Variants in MDFIC observed in about 807,000 individuals in gnomAD.
The protein encoded by MDFIC is myoD family inhibitor domain-containing protein.
A neutral mutation model predicts 23.2 loss-of-function variants in MDFIC; 17 were observed. That is an observed-to-expected ratio of 0.73 (90% CI 0.50 to 1.10). MDFIC has a LOEUF of 1.10. Among genes scored for constraint, MDFIC ranks in the 50% least tolerant of loss-of-function variants. The probability of loss-of-function intolerance (pLI) is 0.00; values close to 1 mark genes in which losing one functional copy is unlikely to be tolerated. For synonymous variants in MDFIC, 120 were observed against 115.2 expected (o/e 1.04, Z -0.27); for missense variants, 356 against 316.6 (o/e 1.12, Z -0.95).
Position 114,922,669 on chromosome 7 carries a change from G to T in MDFIC, c.-108+33G>T, listed in dbSNP as rs369968573. 279 of 1,323,940 alleles carry T rather than the reference G, an allele frequency of 2.1e-4. 1 individual carries two copies. The African/African-American group carries it at 3.8e-3, about 18-fold the overall frequency. The allele number at this position is 1,323,940 out of a possible 1,614,324, so 82.0% of individuals were successfully genotyped here. ...GTGGTCTCCGGGCGGGGAAGAGGAG[G>T]GGTTTGATCCCCATCCCCGGGGTTC... is the stretch of plus-strand genomic sequence containing the variant. On this transcript the variant is annotated intron_variant, in intron 1 of 4. Transcript: ENST00000393486.
chr7:114,971,244 T>A (rs555118569), intron 3 of MDFIC, among the ~76,000 whole-genome samples: 8 of 152,348 alleles, frequency 5.3e-5, no homozygotes, highest in African/African-American at 1.7e-4. Flanking sequence ...AGCTGCTCTT[T>A]AATATTAACT....
At chr7:114,971,458 G>A (rs1434546176) in intron 3 of MDFIC, among the ~76,000 whole-genome samples, 1 of 152,144 alleles carries the variant, frequency 6.6e-6, no homozygotes, top group Non-Finnish European at 1.5e-5. Context: ...CAAAAGCAGG[G>A]CTGGGTCTGG....
At chr7:114,965,986 T>G (rs1353406609) in intron 3 of MDFIC, among the ~76,000 whole-genome samples, 2 of 152,186 alleles carry the variant, frequency 1.3e-5, no homozygotes, top group Non-Finnish European at 2.9e-5. Flanking sequence ...TTTCCATATA[T>G]GTACAGTATG....
At chr7:114,969,104 G>T (rs186271088) in intron 3 of MDFIC, among the ~76,000 whole-genome samples, 1 of 152,256 alleles carries the variant, frequency 6.6e-6, no homozygotes, top group East Asian at 1.9e-4. Context: ...TAGTATTTTA[G>T]ATGCATTTCT....
chr7:115,016,027 A>C lies in MDFIC; in HGVS notation c.*92A>C, dbSNP rs1028612306. On this transcript the variant is annotated 3_prime_UTR_variant, in exon 5 of 5. Coordinates refer to ENST00000393486, the MANE Select transcript of MDFIC (RefSeq NM_001166345.3). Reference sequence around the variant, plus strand: ...GCACATTGTAAGATTCTCATGAAACAACATGGAATTTGCACTGTTAACTCA... The same window carrying C: ...GCACATTGTAAGATTCTCATGAAACCACATGGAATTTGCACTGTTAACTCA... 10 of 1,336,786 alleles carry C rather than the reference A, an allele frequency of 7.5e-6. No individual in the cohort carries two copies. In the African/African-American group the frequency reaches 1.5e-4, roughly 20 times the overall value. 82.8% of individuals were successfully genotyped at this position (1,336,786 alleles called of 1,614,324 possible).
rs141050062 is a variant in MDFIC at position 114,946,225 on chromosome 7, AGTGTGTGTGT to A, written c.217+3851_217+3860del. Reference sequence around the variant, plus strand: ...CGGGGATTTCTAAGGTAGGAAGAAGAGTGTGTGTGTGTGTGTGTGTGTGTGTGTGTGTTAC... The same window carrying A: ...CGGGGATTTCTAAGGTAGGAAGAAGAGTGTGTGTGTGTGTGTGTGTGTTAC... On this transcript the variant is annotated intron_variant, in intron 3 of 4. Coordinates refer to ENST00000393486, the MANE Select transcript of MDFIC (RefSeq NM_001166345.3). Among the ~76,000 whole-genome samples, 247 of 149,720 alleles carry A rather than the reference AGTGTGTGTGT, an allele frequency of 1.6e-3. 1 individual carries two copies. The highest frequency in any genetic ancestry group is 5.6e-3 in the African/African-American group (228 of 40,638).
chr7:114,952,960 A>G (rs1029668156), intron 3 of MDFIC, among the ~76,000 whole-genome samples: 1 of 152,202 alleles, frequency 6.6e-6, no homozygotes, highest in Non-Finnish European at 1.5e-5. Context: ...ACCACACCCA[A>G]CGAATGGTGT....
At chr7:114,977,873 A>G (rs180799028) in intron 3 of MDFIC, among the ~76,000 whole-genome samples, 1 of 148,134 alleles carries the variant, frequency 6.8e-6, no homozygotes, top group African/African-American at 2.4e-5. Flanking sequence ...ATAAATATTA[A>G]CATTTATATA....
At chr7:115,001,040 C>G (rs1331956917) in intron 4 of MDFIC, among the ~76,000 whole-genome samples, 1 of 152,090 alleles carries the variant, frequency 6.6e-6, no homozygotes, top group Non-Finnish European at 1.5e-5. Context: ...CTCCTCTATA[C>G]TTGACTGAAG....
intron 4 of MDFIC, among the ~76,000 whole-genome samples, chr7:115,005,916 A>G (rs1791560296): frequency 6.6e-6 from 1 of 152,146 alleles, no homozygotes; most frequent in Non-Finnish European, 1.5e-5. Context: ...AAATAATAGG[A>G]TTTACCTCCT....
At position 114,978,033 on chromosome 7, in the gene MDFIC, A is replaced by T. The variant is rs1157115142; in HGVS notation, c.218-1473A>T. On this transcript the variant is annotated intron_variant, in intron 3 of 4. Transcript: ENST00000393486. The stretch of plus-strand genomic sequence containing the variant: ...ATATTATTATATTAATTGGTATAAT[A>T]AAATAATTATGCATATTATTTATAT... Among the ~76,000 whole-genome samples the T allele has an allele frequency of 4.0e-5, 6 of 149,102 alleles. No homozygotes were observed. In the East Asian group the frequency reaches 9.7e-4, roughly 24 times the overall value.
At chr7:114,947,910 A>G (rs1050146786) in intron 3 of MDFIC, among the ~76,000 whole-genome samples, 1 of 152,138 alleles carries the variant, frequency 6.6e-6, no homozygotes, top group Non-Finnish European at 1.5e-5. Context: ...CATTGTTATT[A>G]TCCTTGAGCC....
chr7:114,983,563 CTTT>C (rs11388500), intron 4 of MDFIC, among the ~76,000 whole-genome samples: 2 of 88,304 alleles, frequency 2.3e-5, no homozygotes. Context: ...TCATCAGGTA[CTTT>C]TTTTTTTTTT....
chr7:114,960,342 G>A (rs1347948406), intron 3 of MDFIC, among the ~76,000 whole-genome samples: 5 of 152,130 alleles, frequency 3.3e-5, no homozygotes, highest in Non-Finnish European at 5.9e-5. Flanking sequence ...TCCTTACTGC[G>A]TTTTCAGGCT....
chr7:114,954,624 C>T (rs1007205648), intron 3 of MDFIC, among the ~76,000 whole-genome samples: 3 of 152,188 alleles, frequency 2.0e-5, no homozygotes, highest in Admixed American at 6.5e-5. Flanking sequence ...ACTTACTGTT[C>T]TGTAAGGATT....
intron 4 of MDFIC, among the ~76,000 whole-genome samples, chr7:115,004,783 A>G (rs1246876482): frequency 3.3e-5 from 5 of 152,074 alleles, no homozygotes; most frequent in Admixed American, 3.3e-4. Flanking sequence ...TTTTGTGGCT[A>G]ATTCCATGTG....
intron 4 of MDFIC, among the ~76,000 whole-genome samples, chr7:114,991,940 C>G (rs1406659617): frequency 6.6e-6 from 1 of 152,160 alleles, no homozygotes; most frequent in African/African-American, 2.4e-5. Context: ...TTACCTTAGG[C>G]AGTATGGCCA....
intron 2 of MDFIC, among the ~76,000 whole-genome samples, chr7:114,938,995 G>A (rs1316464515): frequency 6.6e-6 from 1 of 152,128 alleles, no homozygotes; most frequent in Non-Finnish European, 1.5e-5. Flanking sequence ...GCTTTAGTAA[G>A]GTTGGTTTCA....
At chr7:114,991,947 G>C (rs1791175253) in intron 4 of MDFIC, among the ~76,000 whole-genome samples, 1 of 152,158 alleles carries the variant, frequency 6.6e-6, no homozygotes, top group Non-Finnish European at 1.5e-5. Flanking sequence ...AGGCAGTATG[G>C]CCATTTTCAC....
Sources: gnomAD v4.1 joint callset for allele counts (sites outside exome capture counted in the v4.1 genomes callset) on GRCh38, gnomAD v4.1.1 for gene constraint, MANE v1.5 for transcripts, NCBI Gene and HGNC (gene_info 2026-07-23, HGNC 2026-07-21) for gene names.